The following SYNCRIP variants were observed in gnomAD, a reference collection of about 807,000 sequenced individuals.
SYNCRIP encodes synaptotagmin binding cytoplasmic RNA interacting protein.
A neutral mutation model predicts 68.9 loss-of-function variants in SYNCRIP; 9 were observed. The observed-to-expected ratio is 0.13, with a 90% CI of 0.08 to 0.23. The LOEUF (loss-of-function observed/expected upper bound fraction) is 0.23. Ranked by LOEUF, SYNCRIP falls within the 10% of genes least tolerant of loss-of-function variation. The pLI, the probability that SYNCRIP is intolerant of heterozygous loss-of-function variation, is 1.00. For missense variants in SYNCRIP, 414 were observed against 770.6 expected (o/e 0.54, Z 5.48); for synonymous variants, 258 against 254.0 (o/e 1.02, Z -0.15).
chr6:85,630,386 A>T (rs1299192457), intron 6 of SYNCRIP, among the ~76,000 whole-genome samples: 2 of 152,174 alleles, frequency 1.3e-5, no homozygotes, highest in African/African-American at 4.8e-5. Context: ...AACAAAAAAA[A>T]TCGTAACGTG....
At chr6:85,635,526 T>C (rs141177245) in intron 6 of SYNCRIP, among the ~76,000 whole-genome samples, 15 of 152,100 alleles carry the variant, frequency 9.9e-5, no homozygotes, top group Admixed American at 2.0e-4. Context: ...TCCCAGCACT[T>C]TGCGGGGCTG....
intron 1 of SYNCRIP, among the ~76,000 whole-genome samples, 164 bp from the exon 2 acceptor site, chr6:85,641,615 A>C (rs1254234114): frequency 6.6e-6 from 1 of 152,190 alleles, no homozygotes; most frequent in East Asian, 1.9e-4. Context: ...CCAGATTTGG[A>C]GCACAGGGCA....
chr6:85,642,044 C>T (rs1317751619), intron 1 of SYNCRIP, among the ~76,000 whole-genome samples: 1 of 152,192 alleles, frequency 6.6e-6, no homozygotes, highest in Admixed American at 6.5e-5. Flanking sequence ...TTCCAATGTC[C>T]TACAACTTCC....
At chr6:85,611,042 C>T (rs1298758239), downstream of SYNCRIP, 1 of 151,930 alleles carries the variant, frequency 6.6e-6, no homozygotes, top group African/African-American at 2.4e-5. Flanking sequence ...TACTTATTGA[C>T]AAATTTTAAA....
chr6:85,634,693 T>C (rs1029813972), intron 6 of SYNCRIP, among the ~76,000 whole-genome samples: 7 of 152,226 alleles, frequency 4.6e-5, no homozygotes, highest in Non-Finnish European at 7.3e-5. Flanking sequence ...TCTGTAGTTA[T>C]GATACCTCAT....
intron 8 of SYNCRIP, among the ~76,000 whole-genome samples, chr6:85,620,437 G>A (rs928526712): frequency 2.0e-5 from 3 of 152,168 alleles, no homozygotes; most frequent in African/African-American, 7.2e-5. Flanking sequence ...GTTACATAAT[G>A]TATGGTTCCA....
chr6:85,627,244 G>A lies in SYNCRIP; in HGVS notation c.667-3132C>T, dbSNP rs576919514. Reference sequence around the variant, plus strand: ...GATCGCGCCACTGCACTCCAGCCTGGGCAACAGAGCAAGACTCCATCTCTA... The same window carrying A: ...GATCGCGCCACTGCACTCCAGCCTGAGCAACAGAGCAAGACTCCATCTCTA... On this transcript the variant is annotated intron_variant, in intron 6 of 10. Coordinates refer to ENST00000369622, the MANE Select transcript of SYNCRIP (RefSeq NM_006372.5). 2.7e-5 allele frequency among the ~76,000 whole-genome samples: 4 copies of A among 149,506 alleles called. No homozygotes were observed. The South Asian group carries it at 8.5e-4, about 32-fold the overall frequency.
intron 6 of SYNCRIP, among the ~76,000 whole-genome samples, chr6:85,635,190 G>A (rs902292743): frequency 1.3e-5 from 2 of 151,932 alleles, no homozygotes; most frequent in Non-Finnish European, 2.9e-5. Flanking sequence ...CAAACTAAAG[G>A]ATTTCTAAGG....
At chr6:85,608,983 C>T (rs573196708), downstream of SYNCRIP, 2 of 152,026 alleles carry the variant, frequency 1.3e-5, no homozygotes, top group African/African-American at 4.8e-5. Context: ...TAGTGGCATG[C>T]CCTATTGAGT....
chr6:85,613,109 T>C (rs572513619), downstream of SYNCRIP, among the ~76,000 whole-genome samples: 6 of 152,278 alleles, frequency 3.9e-5, no homozygotes, highest in South Asian at 1.2e-3. Flanking sequence ...TTTGAGGTTT[T>C]TGGTTGCTTT....
chr6:85,625,097 G>GT (rs1806887057), intron 6 of SYNCRIP, among the ~76,000 whole-genome samples: 1 of 152,084 alleles, frequency 6.6e-6, no homozygotes, highest in South Asian at 2.1e-4. Flanking sequence ...AAGAAAACAT[G>GT]TAAGTCAGAA....
At chr6:85,639,966 T>TC (rs886782959) in intron 4 of SYNCRIP, among the ~76,000 whole-genome samples, 1 of 152,198 alleles carries the variant, frequency 6.6e-6, no homozygotes, top group Admixed American at 6.5e-5. Flanking sequence ...TCTAGAGGTA[T>TC]CATGGGTGTG....
intron 6 of SYNCRIP, among the ~76,000 whole-genome samples, chr6:85,634,468 A>C (rs1453879375): frequency 6.6e-6 from 1 of 152,238 alleles, no homozygotes. Flanking sequence ...CCCTCAGCAC[A>C]TACGGGGGAC....
At chr6:85,640,176 C>G in intron 4 of SYNCRIP, 45 bp downstream of exon 4, 1 of 1,329,008 alleles carries the variant, frequency 7.5e-7, no homozygotes, top group Non-Finnish European at 1.1e-6. Context: ...AATTAGGAAA[C>G]AGTTAAAATG....
At chr6:85,627,590 T>C (rs1285364261) in intron 6 of SYNCRIP, among the ~76,000 whole-genome samples, 1 of 152,028 alleles carries the variant, frequency 6.6e-6, no homozygotes, top group Non-Finnish European at 1.5e-5. Context: ...AATGGTGTAA[T>C]ACAAAAAACA....
intron 7 of SYNCRIP, among the ~76,000 whole-genome samples, chr6:85,623,157 G>A (rs1396547419): frequency 2.0e-5 from 3 of 152,138 alleles, no homozygotes; most frequent in Admixed American, 1.3e-4. Context: ...GTTGATAACA[G>A]GCTGATAATT....
chr6:85,613,051 A>T, downstream of SYNCRIP: 1 of 1,135,058 alleles, frequency 8.8e-7, no homozygotes, highest in South Asian at 2.2e-5. Flanking sequence ...TAGCCAAAAA[A>T]GTTGCCTTTA....
At chr6:85,622,411 TC>T in intron 8 of SYNCRIP, 70 bp downstream of exon 8, 1 of 1,359,268 alleles carries the variant, frequency 7.4e-7, no homozygotes, top group Non-Finnish European at 1.0e-6. Flanking sequence ...CATTTTATGT[TC>T]CCCCCACCCC....
At chr6:85,635,141 G>A (rs1366799647) in intron 6 of SYNCRIP, among the ~76,000 whole-genome samples, 1 of 152,004 alleles carries the variant, frequency 6.6e-6, no homozygotes, top group Non-Finnish European at 1.5e-5. Flanking sequence ...CTCCAGCGTG[G>A]GTGACAGAGA....
Sources: gnomAD v4.1 joint callset for allele counts (sites outside exome capture counted in the v4.1 genomes callset) on GRCh38, gnomAD v4.1.1 for gene constraint, MANE v1.5 for transcripts, NCBI Gene and HGNC (gene_info 2026-07-23, HGNC 2026-07-21) for gene names.